The following GRTP1 variants were observed in gnomAD, a reference collection of about 807,000 sequenced individuals.
The protein encoded by GRTP1 is growth hormone-regulated TBC protein 1.
Under a neutral mutation model 38.1 loss-of-function variants are expected in GRTP1, and 56 were observed. That is an observed-to-expected ratio of 1.47 (90% CI 1.19 to 1.84). GRTP1 has a LOEUF of 1.84. Ranked by LOEUF, GRTP1 falls within the 40% of genes most tolerant of loss-of-function variation. The pLI, the probability that GRTP1 is intolerant of heterozygous loss-of-function variation, is 0.00. For missense variants in GRTP1, 506 were observed against 453.9 expected, an observed-to-expected ratio of 1.11 and a Z score of -1.04; for synonymous variants, 217 against 189.5, an observed-to-expected ratio of 1.14 and a Z score of -1.19.
intron 3 of GRTP1, among the ~76,000 whole-genome samples, chr13:113,352,332 ATATTT>A (rs1479284548): frequency 9.6e-4 from 105 of 109,566 alleles, no homozygotes; most frequent in South Asian, 2.0e-3. Context: ...ATTTTTATAT[ATATTT>A]TATATATATA....
At chr13:113,326,809 T>A (rs879801266) in intron 5 of GRTP1, among the ~76,000 whole-genome samples, 8 of 152,148 alleles carry the variant, frequency 5.3e-5, no homozygotes, top group Non-Finnish European at 1.0e-4. Flanking sequence ...GACAAGTGGA[T>A]AACCAACATG....
chr13:113,356,291 G>A (rs922466261), intron 2 of GRTP1, among the ~76,000 whole-genome samples: 9 of 151,632 alleles, frequency 5.9e-5, no homozygotes, highest in African/African-American at 1.7e-4. Context: ...TTTTCGAGAC[G>A]GAGTCTTGTT....
chr13:113,325,680 T>C lies in GRTP1; in HGVS notation c.902A>G (p.Glu301Gly). ...ACACACCTGCATAAACGTGTGACAC[T>C]CCATCACGAAACTCCCTTTGGTTAT... ...KQITKGSFVM[E>G]CHTFMQKIFS... is the part of the protein sequence containing the mutation. Residue 301 changes from glutamate to glycine, a missense_variant, in exon 7 of 8, where the codon GAG becomes GGG. Physicochemically the swap from Glu to Gly is moderately conservative, Grantham distance 98. Coordinates refer to ENST00000375431, the MANE Select transcript of GRTP1 (RefSeq NM_024719.4). The C allele has an allele frequency of 1.2e-6, 2 of 1,614,092 alleles. No individual in the cohort carries two copies. Among genetic ancestry groups the C allele is most frequent in the Non-Finnish European group, 1.7e-6 (2 of 1,180,004 alleles).
chr13:113,354,886 T>C (rs2139517594), intron 3 of GRTP1, among the ~76,000 whole-genome samples: 1 of 152,328 alleles, frequency 6.6e-6, no homozygotes, highest in Non-Finnish European at 1.5e-5. Context: ...CCTATGGTTA[T>C]GTGATTACTG....
chr13:113,328,062 C>T (rs921823284), intron 5 of GRTP1, among the ~76,000 whole-genome samples: 41 of 152,216 alleles, frequency 2.7e-4, no homozygotes, highest in Non-Finnish European at 1.5e-5. Flanking sequence ...CCAGGCCCAG[C>T]CGGCGCAGCG....
rs569615101 is a variant in GRTP1, at chr13:113,349,178, T to G, written c.465+1671A>C. On this transcript the variant is annotated intron_variant, in intron 4 of 7. Transcript: ENST00000375431. This position sits in a 1 kb window ranked among gnomAD's most constrained non-coding sequence, Gnocchi z 5.0. Reference sequence around the variant, plus strand: ...GCAAGGGCCACCCAGGTGGGTGGTGTTTTTTTTTGTTTGTTTCTCGGTTTT... The same window carrying G: ...GCAAGGGCCACCCAGGTGGGTGGTGGTTTTTTTTGTTTGTTTCTCGGTTTT... Among the ~76,000 whole-genome samples the G allele has an allele frequency of 2.3e-5, 2 of 87,736 alleles. No individual in the cohort carries two copies. Among genetic ancestry groups the G allele is most frequent in the Admixed American group, 3.5e-4 (2 of 5,796 alleles). 57.6% of individuals were successfully genotyped at this position (87,736 alleles called of 152,430 possible).
chr13:113,333,830 A>AG lies in GRTP1; in HGVS notation c.563-7740_563-7739insC, dbSNP rs1417018679. Among the ~76,000 whole-genome samples the AG allele has an allele frequency of 5.3e-3, 531 of 99,604 alleles. 3 individuals are homozygous for AG. The highest frequency in any genetic ancestry group is 0.021 in the African/African-American group (505 of 24,072). 65.3% of individuals were successfully genotyped at this position (99,604 alleles called of 152,430 possible). On this transcript the variant is annotated intron_variant, in intron 5 of 7. Coordinates refer to ENST00000375431, the MANE Select transcript of GRTP1 (RefSeq NM_024719.4). ...TATTTATTTATTTATTTATTTATTTATTTATTTAGTGTGTGTGTGTGTGTG... is the reference window on the plus strand; with the variant it reads ...TATTTATTTATTTATTTATTTATTTAGTTTATTTAGTGTGTGTGTGTGTGTG...
intron 4 of GRTP1, 59 bp downstream of exon 4, chr13:113,350,790 G>A (rs2043250442): frequency 6.9e-7 from 1 of 1,456,550 alleles, no homozygotes; most frequent in African/African-American, 1.4e-5. Context: ...CGAGCCTGCA[G>A]CTGTGGACAG....
intron 6 of GRTP1, 31 bp from the exon 7 acceptor site, chr13:113,325,877 C>T (rs779971320): frequency 1.2e-6 from 2 of 1,613,692 alleles, no homozygotes; most frequent in African/African-American, 2.7e-5. Flanking sequence ...GGTGTCACTC[C>T]CTGGCGGCCC....
intron 5 of GRTP1, among the ~76,000 whole-genome samples, chr13:113,341,482 G>T (rs2043025486): frequency 6.6e-6 from 1 of 152,140 alleles, no homozygotes; most frequent in Non-Finnish European, 1.5e-5. Flanking sequence ...GGTCAGGCTG[G>T]TCTCGAACTC....
Position 113,324,490 on chromosome 13 carries a change from A to G in GRTP1, c.1009T>C (p.Ter337ArgextTer36), listed in dbSNP as rs779281647. The change falls in exon 8 of 8, where the codon TGA becomes CGA. Residue 337 changes from the stop codon to arginine, a stop_lost. Coordinates refer to ENST00000375431, the MANE Select transcript of GRTP1 (RefSeq NM_024719.4). ...AGCAACGCAGGGGACAGGCACGCTC[A>G]CCCCTGTGCCAGCAGCCGGGCCCTG... ...SCRARLLAQG[*>R] is the part of the protein sequence containing the mutation. 6.2e-7 allele frequency: 1 copy of G among 1,607,422 alleles called. No homozygotes were observed. Among genetic ancestry groups the G allele is most frequent in the Non-Finnish European group, 8.5e-7 (1 of 1,177,266 alleles).
chr13:113,329,198 C>T (rs116352314), intron 5 of GRTP1, among the ~76,000 whole-genome samples: 162 of 152,354 alleles, frequency 1.1e-3, no homozygotes, highest in African/African-American at 3.8e-3. Flanking sequence ...ACCTTTCTTC[C>T]TCCCTGGCCA....
rs764332079 is a variant in GRTP1 at position 113,363,856 on chromosome 13, C to T, written c.87G>A (p.Glu29=). Reference sequence around the variant, plus strand: ...TGACCAGGTAGCTGGAGAAAAACTTCTCGTAGGCGGCGTCGTCGAAGTCCT... The same window carrying T: ...TGACCAGGTAGCTGGAGAAAAACTTTTCGTAGGCGGCGTCGTCGAAGTCCT... ...RPEDFDDAAY[E]KFFSSYLVTL... The change falls in exon 2 of 8, where the codon GAG becomes GAA. Residue 29 remains glutamate, a synonymous_variant. Transcript: ENST00000375431. 6.2e-7 allele frequency: 1 copy of T among 1,612,028 alleles called. No homozygotes were observed. The highest frequency in any genetic ancestry group is 2.2e-5 in the East Asian group (1 of 44,672).
At chr13:113,341,284 T>G (rs2043022190) in intron 5 of GRTP1, among the ~76,000 whole-genome samples, 1 of 151,976 alleles carries the variant, frequency 6.6e-6, no homozygotes, top group African/African-American at 2.4e-5. Flanking sequence ...TATATTTATT[T>G]GAGACAGGGT....
chr13:113,337,065 G>T (rs560347641), intron 5 of GRTP1, among the ~76,000 whole-genome samples: 8 of 152,318 alleles, frequency 5.3e-5, no homozygotes, highest in South Asian at 4.1e-4. Flanking sequence ...AGGCTGAGGT[G>T]GGAGGATCAT....
At position 113,348,819 on chromosome 13, in the gene GRTP1, C is replaced by T. The variant is rs1205092264; in HGVS notation, c.465+2030G>A. Among the ~76,000 whole-genome samples, 2 of 152,016 alleles carry T rather than the reference C, an allele frequency of 1.3e-5. No homozygotes were observed. The highest frequency in any genetic ancestry group is 2.9e-5 in the Non-Finnish European group (2 of 67,984). On this transcript the variant is annotated intron_variant, in intron 4 of 7. Coordinates refer to ENST00000375431, the MANE Select transcript of GRTP1 (RefSeq NM_024719.4). This position sits in a 1 kb window ranked among gnomAD's most constrained non-coding sequence, Gnocchi z 4.8. ...GAAAGAACCCGCCCCGCAGACGCCG[C>T]GACCTCACCTGCCCCGCAGATGCCG...
rs766588172 is a variant in GRTP1, at chr13:113,342,741, G to A, written c.562+2122C>T. 1.2e-4 allele frequency among the ~76,000 whole-genome samples: 19 copies of A among 152,130 alleles called. No individual in the cohort carries two copies. The highest frequency in any genetic ancestry group is 2.4e-4 in the Non-Finnish European group (16 of 68,018). ...CATATATTTGCCTCTTTTCTCTGCC[G>A]CTGGGAGAGCTCTGCCGGGATCGGA... On this transcript the variant is annotated intron_variant, in intron 5 of 7. Coordinates refer to ENST00000375431, the MANE Select transcript of GRTP1 (RefSeq NM_024719.4). This position sits in a 1 kb window ranked among gnomAD's most constrained non-coding sequence, Gnocchi z 4.5.
intron 2 of GRTP1, among the ~76,000 whole-genome samples, chr13:113,357,435 C>A (rs1330590713): frequency 3.5e-5 from 3 of 84,874 alleles, no homozygotes; most frequent in African/African-American, 5.3e-5. Flanking sequence ...CAGAGTGACA[C>A]TGCCTCAAAA....
rs561111899 is a variant in GRTP1 at position 113,331,083 on chromosome 13, C to T, written c.563-4992G>A. Reference sequence around the variant, plus strand: ...GTGGATGGAAACCCAGGTGTGTGCACGGGAGCCCAGGTGTGTGCATGGGAG... The same window carrying T: ...GTGGATGGAAACCCAGGTGTGTGCATGGGAGCCCAGGTGTGTGCATGGGAG... On this transcript the variant is annotated intron_variant, in intron 5 of 7. Transcript: ENST00000375431. 8.1e-3 allele frequency among the ~76,000 whole-genome samples: 691 copies of T among 85,366 alleles called. 1 individual carries two copies. Among genetic ancestry groups the T allele is most frequent in the Middle Eastern group, 0.019 (2 of 108 alleles). The allele number at this position is 85,366 out of a possible 152,430, so 56.0% of individuals were successfully genotyped here.
Sources: allele counts gnomAD v4.1 joint callset (sites outside exome capture counted in the v4.1 genomes callset), GRCh38; gene constraint gnomAD v4.1.1; non-coding constraint Gnocchi (gnomAD v3.1); transcripts MANE v1.5; gene names NCBI Gene and HGNC (gene_info 2026-07-23, HGNC 2026-07-21).